The following LMX1A variants were observed in gnomAD, a reference collection of about 807,000 sequenced individuals.
LMX1A encodes the protein LIM homeobox transcription factor 1-alpha.
A neutral mutation model predicts 49.1 loss-of-function variants in LMX1A; 15 were observed. That is an observed-to-expected ratio of 0.31 (90% CI 0.20 to 0.47). LMX1A has a LOEUF of 0.47. Among genes scored for constraint, LMX1A ranks in the 20% least tolerant of loss-of-function variants. The probability of loss-of-function intolerance (pLI) is 1.00; values close to 1 mark genes in which losing one functional copy is unlikely to be tolerated. For missense variants in LMX1A, 372 were observed against 475.8 expected (o/e 0.78, Z 2.03); for synonymous variants, 167 against 185.7 (o/e 0.90, Z 0.82).
chr1:165,345,838 G>A (rs1371463499), intron 3 of LMX1A, among the ~76,000 whole-genome samples: 3 of 152,080 alleles, frequency 2.0e-5, no homozygotes, highest in African/African-American at 4.8e-5. Flanking sequence ...AGGACCAGCC[G>A]GAGCAACATA....
At chr1:165,205,806 G>A (rs918660646) in intron 8 of LMX1A, 58 bp downstream of exon 8, 1 of 1,534,182 alleles carries the variant, frequency 6.5e-7, no homozygotes, top group Non-Finnish European at 9.0e-7. Context: ...GTGTTTAGGA[G>A]GGAATGAGAA....
chr1:165,313,332 T>C (rs1003507066), intron 3 of LMX1A, among the ~76,000 whole-genome samples: 2 of 152,108 alleles, frequency 1.3e-5, no homozygotes, highest in Admixed American at 1.3e-4. Context: ...GAAACACATA[T>C]CCTAAACCCT....
chr1:165,304,259 G>A (rs927005653), intron 3 of LMX1A, among the ~76,000 whole-genome samples: 2 of 152,038 alleles, frequency 1.3e-5, no homozygotes, highest in Non-Finnish European at 2.9e-5. Context: ...CCTGGCTTAG[G>A]GCAAGTGTCA....
At chr1:165,223,215 T>C (rs1183785382) in intron 4 of LMX1A, among the ~76,000 whole-genome samples, 1 of 152,232 alleles carries the variant, frequency 6.6e-6, no homozygotes, top group African/African-American at 2.4e-5. Context: ...AGGACTGTTA[T>C]GAACACAGTA....
chr1:165,240,692 A>C (rs753983238), intron 4 of LMX1A, among the ~76,000 whole-genome samples: 36 of 152,136 alleles, frequency 2.4e-4, no homozygotes, highest in Non-Finnish European at 4.4e-4. Context: ...GAATAGAGTA[A>C]CTCTGGCTCA....
intron 3 of LMX1A, among the ~76,000 whole-genome samples, chr1:165,311,793 A>T (rs1285457117): frequency 1.3e-5 from 2 of 152,328 alleles, no homozygotes; most frequent in East Asian, 3.9e-4. Context: ...TTGAAGGATG[A>T]TGGGGCAAAT....
At chr1:165,329,362 C>T (rs977734571) in intron 3 of LMX1A, among the ~76,000 whole-genome samples, 1 of 152,118 alleles carries the variant, frequency 6.6e-6, no homozygotes, top group Non-Finnish European at 1.5e-5. Context: ...GGAGCCAAAC[C>T]ATATCAGTCT....
intron 4 of LMX1A, among the ~76,000 whole-genome samples, chr1:165,217,173 G>A (rs781294445): frequency 6.6e-6 from 1 of 152,150 alleles, no homozygotes; most frequent in Non-Finnish European, 1.5e-5. Context: ...TGTGGACTGT[G>A]CCTGTGTGCT....
intron 4 of LMX1A, among the ~76,000 whole-genome samples, chr1:165,237,438 C>T (rs1311844694): frequency 1.3e-5 from 2 of 152,050 alleles, no homozygotes; most frequent in African/African-American, 2.4e-5. Context: ...AGGATGGTCT[C>T]GATCTCCTGA....
intron 4 of LMX1A, among the ~76,000 whole-genome samples, chr1:165,224,667 C>T (rs1317787779): frequency 6.6e-6 from 1 of 152,148 alleles, no homozygotes. Context: ...TGTTGAATAG[C>T]TTGTGTTTCA....
chr1:165,262,560 C>T (rs1653476315), intron 3 of LMX1A, among the ~76,000 whole-genome samples: 1 of 152,224 alleles, frequency 6.6e-6, no homozygotes, highest in Admixed American at 6.5e-5. Context: ...CAAGTCTCTT[C>T]ATATTGACTT....
intron 3 of LMX1A, among the ~76,000 whole-genome samples, chr1:165,262,115 T>C (rs1370620325): frequency 6.6e-6 from 1 of 152,222 alleles, no homozygotes; most frequent in Non-Finnish European, 1.5e-5. Context: ...CTCTACCTTC[T>C]ATAACCAAAA....
intron 3 of LMX1A, among the ~76,000 whole-genome samples, chr1:165,297,806 C>T (rs758114340): frequency 2.6e-5 from 4 of 152,146 alleles, no homozygotes; most frequent in Non-Finnish European, 5.9e-5. Flanking sequence ...TTGGAGTCAG[C>T]GTAACTGAGC....
chr1:165,341,587 C>A (rs1035487516), intron 3 of LMX1A, among the ~76,000 whole-genome samples: 2 of 25,384 alleles, frequency 7.9e-5, no homozygotes, highest in African/African-American at 2.9e-4. Context: ...GACAATAAAC[C>A]AAATATATAT....
At position 165,272,651 on chromosome 1, in the gene LMX1A, C is replaced by T. The variant is rs368791256; in HGVS notation, c.264-23011G>A. On this transcript the variant is annotated intron_variant, in intron 3 of 8. Coordinates refer to ENST00000342310, the MANE Select transcript of LMX1A (RefSeq NM_177398.4). The stretch of plus-strand genomic sequence containing the variant: ...GAAAGCATGGAAGGAAGAGGATGAA[C>T]TGAAGTCAGCTGGCTGTGTTTCATT... 3.5e-4 allele frequency among the ~76,000 whole-genome samples: 54 copies of T among 152,178 alleles called. 1 individual carries two copies. Among genetic ancestry groups the T allele is most frequent in the Non-Finnish European group, 1.3e-4 (9 of 68,036 alleles).
intron 3 of LMX1A, among the ~76,000 whole-genome samples, chr1:165,271,027 C>G (rs1241308321): frequency 2.0e-5 from 3 of 152,164 alleles, no homozygotes; most frequent in Admixed American, 6.5e-5. Context: ...CAAAGAGAAC[C>G]CTGATTTTAT....
intron 3 of LMX1A, among the ~76,000 whole-genome samples, chr1:165,332,565 T>C (rs1655779660): frequency 6.6e-6 from 1 of 152,170 alleles, no homozygotes; most frequent in South Asian, 2.1e-4. Context: ...AAGTATATAA[T>C]GTATAAATAT....
chr1:165,221,404 C>T (rs552984309), intron 4 of LMX1A, among the ~76,000 whole-genome samples: 11 of 152,238 alleles, frequency 7.2e-5, no homozygotes, highest in African/African-American at 2.4e-4. Context: ...CCAACTCCCC[C>T]CAACTATCCT....
chr1:165,234,828 T>C (rs1652369933), intron 4 of LMX1A, among the ~76,000 whole-genome samples: 1 of 152,244 alleles, frequency 6.6e-6, no homozygotes, highest in South Asian at 2.1e-4. Context: ...ATTTTTCAGA[T>C]AATGGCTTCA....
Sources: gnomAD v4.1 joint callset for allele counts (sites outside exome capture counted in the v4.1 genomes callset) on GRCh38, gnomAD v4.1.1 for gene constraint, MANE v1.5 for transcripts, NCBI Gene and HGNC (gene_info 2026-07-23, HGNC 2026-07-21) for gene names.